Variants in HIVEP3 observed in about 807,000 individuals in gnomAD.
HIVEP3 encodes HIVEP zinc finger 3.
HIVEP3 carries 49 observed loss-of-function variants against 152.8 expected under a neutral mutation model. That is an observed-to-expected ratio of 0.32 (90% CI 0.26 to 0.41). The LOEUF (loss-of-function observed/expected upper bound fraction) is 0.41, where lower values mean the gene tolerates loss of function less well. Ranked by LOEUF, HIVEP3 falls within the 10% of genes least tolerant of loss-of-function variation. The probability of loss-of-function intolerance (pLI) is 1.00; values close to 1 mark genes in which losing one functional copy is unlikely to be tolerated. For missense variants in HIVEP3, 2,790 were observed against 3,103.3 expected (o/e 0.90, Z 2.40); for synonymous variants, 1,269 against 1,289.0 (o/e 0.98, Z 0.33).
chr1:41,990,667 G>A (rs1053445836), intron 1 of HIVEP3, among the ~76,000 whole-genome samples: 4 of 151,520 alleles, frequency 2.6e-5, no homozygotes, highest in Non-Finnish European at 5.9e-5. Flanking sequence ...GACATCTACA[G>A]AACTCTCCAC....
chr1:41,860,959 T>C (rs1410777430), intron 1 of HIVEP3, among the ~76,000 whole-genome samples: 1 of 152,170 alleles, frequency 6.6e-6, no homozygotes, highest in Non-Finnish European at 1.5e-5. Flanking sequence ...GGAATCAGAT[T>C]GAGGCAAAGC....
intron 1 of HIVEP3, among the ~76,000 whole-genome samples, chr1:41,783,284 G>C (rs183972057): frequency 2.4e-4 from 36 of 152,298 alleles, no homozygotes; most frequent in Non-Finnish European, 4.9e-4. Context: ...AGGAAGGCTG[G>C]CAGAGAGGAT....
intron 1 of HIVEP3, among the ~76,000 whole-genome samples, chr1:41,727,325 C>G (rs762367188): frequency 6.6e-6 from 1 of 152,192 alleles, no homozygotes; most frequent in Admixed American, 6.5e-5. Flanking sequence ...CCTCAGCTTC[C>G]CCACCACGAG....
chr1:41,998,211 CAT>C (rs1362406199), intron 1 of HIVEP3, among the ~76,000 whole-genome samples: 4 of 152,006 alleles, frequency 2.6e-5, no homozygotes, highest in Non-Finnish European at 5.9e-5. Context: ...ATAAAATGAA[CAT>C]AATATGTTCA....
At chr1:41,999,371 T>C (rs551982436) in intron 1 of HIVEP3, among the ~76,000 whole-genome samples, 4 of 152,238 alleles carry the variant, frequency 2.6e-5, no homozygotes, top group Non-Finnish European at 4.4e-5. Flanking sequence ...GAAGTGAGTA[T>C]AAAAATTAAC....
chr1:41,827,752 A>G (rs1570620407), intron 1 of HIVEP3, among the ~76,000 whole-genome samples: 1 of 152,046 alleles, frequency 6.6e-6, no homozygotes, highest in Non-Finnish European at 1.5e-5. Flanking sequence ...CATGAAGAAG[A>G]TTTTTTTTCA....
chr1:41,551,615 A>G (rs1175634742), intron 5 of HIVEP3, among the ~76,000 whole-genome samples: 1 of 152,126 alleles, frequency 6.6e-6, no homozygotes, highest in Non-Finnish European at 1.5e-5. Context: ...GGGAGGGTGT[A>G]TGTGTCCAGG....
chr1:41,972,191 C>T (rs932817842), intron 1 of HIVEP3, among the ~76,000 whole-genome samples: 3 of 152,196 alleles, frequency 2.0e-5, no homozygotes, highest in Admixed American at 6.5e-5. Context: ...GCTATTTATC[C>T]TTCAAAACCC....
At chr1:41,537,425 C>T (rs1229968442) in intron 5 of HIVEP3, among the ~76,000 whole-genome samples, 1 of 152,192 alleles carries the variant, frequency 6.6e-6, no homozygotes, top group African/African-American at 2.4e-5. Context: ...TGCTCTGAGA[C>T]CCACTTTGGC....
chr1:41,921,015 C>G (rs1030781516), upstream of HIVEP3, among the ~76,000 whole-genome samples: 1 of 152,128 alleles, frequency 6.6e-6, no homozygotes, highest in African/African-American at 2.4e-5. Context: ...AAGAAAAAGC[C>G]TCCCAGAGTT....
In HIVEP3 at chr1:41,579,989, A is replaced by G; in HGVS notation, c.4809T>C (p.Asn1603=). 1.2e-6 allele frequency: 2 copies of G among 1,614,228 alleles called. No homozygotes were observed. The highest frequency in any genetic ancestry group is 1.7e-6 in the Non-Finnish European group (2 of 1,180,040). Residue 1603 remains asparagine, a synonymous_variant, in exon 4 of 9, where the codon AAT becomes AAC. Coordinates refer to ENST00000372583, the MANE Select transcript of HIVEP3 (RefSeq NM_024503.5). ...TGTAGTTTAAATAGCACCAACTGAC[A>G]TTAGTGGTTGTGTGGAGGCTGGGGA... ...LQFPSLHTTT[N]VSWCYLNYIK...
chr1:41,757,176 C>A, intron 1 of HIVEP3, among the ~76,000 whole-genome samples: 1 of 150,866 alleles, frequency 6.6e-6, no homozygotes, highest in East Asian at 1.9e-4. Flanking sequence ...AGCGCAGTGG[C>A]GTGATCTCGG....
At chr1:42,024,900 A>G (rs1645573731) in intron 1 of HIVEP3, among the ~76,000 whole-genome samples, 1 of 152,206 alleles carries the variant, frequency 6.6e-6, no homozygotes, top group African/African-American at 2.4e-5. Context: ...CAGCTATTTC[A>G]GTTACAGATT....
chr1:41,702,546 G>A (rs1362441381), intron 1 of HIVEP3, among the ~76,000 whole-genome samples: 1 of 152,142 alleles, frequency 6.6e-6, no homozygotes, highest in Non-Finnish European at 1.5e-5. Context: ...TAAATGAACT[G>A]ATGTACATAA....
At chr1:41,631,206 G>A (rs1645189228) in intron 2 of HIVEP3, among the ~76,000 whole-genome samples, 1 of 152,212 alleles carries the variant, frequency 6.6e-6, no homozygotes, top group Non-Finnish European at 1.5e-5. Flanking sequence ...TCGTGGGATG[G>A]ATGAGAATGT....
At chr1:41,589,864 T>C (rs539817416) in intron 3 of HIVEP3, among the ~76,000 whole-genome samples, 1 of 152,282 alleles carries the variant, frequency 6.6e-6, no homozygotes, top group East Asian at 1.9e-4. Context: ...GGTCAAAAAT[T>C]TTACTGGCAG....
At chr1:41,907,352 C>T (rs1644730418) in intron 1 of HIVEP3, among the ~76,000 whole-genome samples, 1 of 152,176 alleles carries the variant, frequency 6.6e-6, no homozygotes, top group African/African-American at 2.4e-5. Flanking sequence ...TGCCCTACTA[C>T]TCTGCGGTAG....
chr1:41,513,784 T>C (rs1642522666), intron 7 of HIVEP3, 34 bp from the exon 8 acceptor site: 1 of 1,508,212 alleles, frequency 6.6e-7, no homozygotes, highest in Non-Finnish European at 8.9e-7. Context: ...AAGGTCACAG[T>C]TGGGCCTTGG....
chr1:41,526,236 C>T (rs1283952677), intron 5 of HIVEP3, among the ~76,000 whole-genome samples: 4 of 151,680 alleles, frequency 2.6e-5, no homozygotes, highest in African/African-American at 9.7e-5. Context: ...CACCCCCACC[C>T]TCACACTCGC....
Sources: gnomAD v4.1 joint callset for allele counts (sites outside exome capture counted in the v4.1 genomes callset) on GRCh38, gnomAD v4.1.1 for gene constraint, MANE v1.5 for transcripts, NCBI Gene and HGNC (gene_info 2026-07-23, HGNC 2026-07-21) for gene names.